CCNT2: variants seen among roughly 807,000 people sequenced by gnomAD.
CCNT2 encodes the protein cyclin-T2.
In CCNT2, 18 loss-of-function variants were observed where a neutral mutation model predicts 70.0. That is an observed-to-expected ratio of 0.26 (90% CI 0.18 to 0.38). The LOEUF is 0.38. Among genes scored for constraint, CCNT2 ranks in the 10% least tolerant of loss-of-function variants. The pLI, the probability that CCNT2 is intolerant of heterozygous loss-of-function variation, is 1.00. For synonymous variants in CCNT2, 334 were observed against 313.3 expected, an observed-to-expected ratio of 1.07 and a Z score of -0.70; for missense variants, 734 against 890.2, an observed-to-expected ratio of 0.82 and a Z score of 2.23.
At chr2:134,945,500 T>G in intron 5 of CCNT2, 1 of 985,414 alleles carries the variant, frequency 1.0e-6, no homozygotes, top group African/African-American at 1.7e-5. Flanking sequence ...AAGTTAGTCT[T>G]TAATTAGATT....
intron 2 of CCNT2, among the ~76,000 whole-genome samples, chr2:134,921,348 T>A (rs1364493444): frequency 7.1e-6 from 1 of 141,314 alleles, no homozygotes; most frequent in Non-Finnish European, 1.5e-5. Context: ...TTCTTTTATT[T>A]ATTAATTTTT....
chr2:134,952,195 A>G (rs1294526129), intron 7 of CCNT2, among the ~76,000 whole-genome samples: 1 of 152,176 alleles, frequency 6.6e-6, no homozygotes, highest in African/African-American at 2.4e-5. Context: ...TGCACTTTAA[A>G]GTCACTATTT....
chr2:134,949,584 A>G (rs1030801268), intron 7 of CCNT2, among the ~76,000 whole-genome samples: 3 of 152,126 alleles, frequency 2.0e-5, no homozygotes, highest in African/African-American at 7.2e-5. Flanking sequence ...TATATATCTC[A>G]TGCTGTATTA....
At chr2:134,934,669 T>C (rs1427224097) in intron 2 of CCNT2, among the ~76,000 whole-genome samples, 2 of 152,212 alleles carry the variant, frequency 1.3e-5, no homozygotes, top group Non-Finnish European at 2.9e-5. Context: ...GAGAAGGAAA[T>C]GTGAATGGAA....
intron 8 of CCNT2, 22 bp downstream of exon 8, chr2:134,952,733 A>G: frequency 2.5e-6 from 4 of 1,572,814 alleles, no homozygotes; most frequent in Non-Finnish European, 3.5e-6. Context: ...GACAGGGTTT[A>G]ACAGAATTTC....
intron 7 of CCNT2, among the ~76,000 whole-genome samples, chr2:134,949,855 GC>G (rs2105081314): frequency 6.6e-6 from 1 of 152,058 alleles, no homozygotes; most frequent in African/African-American, 2.4e-5. Flanking sequence ...GAGTGCGGTG[GC>G]GCAATCTCGG....
rs761363968 is a variant in CCNT2 at position 134,954,658 on chromosome 2, T to C, written c.*10T>C. 3.9e-6 allele frequency: 6 copies of C among 1,544,352 alleles called. No homozygotes were observed. The highest frequency in any genetic ancestry group is 1.1e-5 in the South Asian group (1 of 87,144). ...AGGAATGAACATGTAATAATTTGTT[T>C]AGGTCAATTTTTCCTTTACTTTTTT... On this transcript the variant is annotated 3_prime_UTR_variant, in exon 9 of 9. Transcript: ENST00000264157.
chr2:134,952,175 A>G (rs1682559242), intron 7 of CCNT2, among the ~76,000 whole-genome samples: 1 of 152,200 alleles, frequency 6.6e-6, no homozygotes, highest in South Asian at 2.1e-4. Flanking sequence ...GGTATCCTTA[A>G]AGTGGTTTCT....
chr2:134,940,848 A>G (rs2105059117), intron 4 of CCNT2, among the ~76,000 whole-genome samples: 1 of 152,306 alleles, frequency 6.6e-6, no homozygotes, highest in Non-Finnish European at 1.5e-5. Flanking sequence ...TGATGTTACA[A>G]AAAAAAGTTG....
At position 134,943,583 on chromosome 2, in the gene CCNT2, G is replaced by C. The variant is rs980308271; in HGVS notation, c.493+909G>C. 3 of 985,170 alleles carry C rather than the reference G, an allele frequency of 3.0e-6. No individual in the cohort carries two copies. In the South Asian group the frequency reaches 1.4e-4, roughly 46 times the overall value. The allele number at this position is 985,170 out of a possible 1,614,324, so 61.0% of individuals were successfully genotyped here. Reference sequence around the variant, plus strand: ...TTGTGATGTGCCTGTTAAGCGTCTTGTTTATAAACAGGAGTACTTTTTAAA... The same window carrying C: ...TTGTGATGTGCCTGTTAAGCGTCTTCTTTATAAACAGGAGTACTTTTTAAA... On this transcript the variant is annotated intron_variant, in intron 5 of 8. Transcript: ENST00000264157.
Position 134,956,498 on chromosome 2 carries a change from TAC to T in CCNT2, c.*1852_*1853del, listed in dbSNP as rs1682934209. 1 of 152,438 alleles carries T rather than the reference TAC, an allele frequency of 6.6e-6. No homozygotes were observed. Among genetic ancestry groups the T allele is most frequent in the African/African-American group, 2.4e-5 (1 of 41,444 alleles). 9.4% of individuals were successfully genotyped at this position (152,438 alleles called of 1,614,324 possible). On this transcript the variant is annotated 3_prime_UTR_variant, in exon 9 of 9. Coordinates refer to ENST00000264157, the MANE Select transcript of CCNT2 (RefSeq NM_058241.3). Reference sequence around the variant, plus strand: ...GTATCCATAAACATGGTAATTTTGATACAGTTATACTTTTACAGTGGTACATA... The same window carrying T: ...GTATCCATAAACATGGTAATTTTGATAGTTATACTTTTACAGTGGTACATA...
Position 134,953,498 on chromosome 2 carries a change from A to C in CCNT2, c.1043A>C (p.His348Pro). The change falls in exon 9 of 9, where the codon CAC becomes CCC. Residue 348 changes from histidine (H) to proline (P), a missense_variant. His to Pro is a moderately conservative substitution (Grantham distance 77). Transcript: ENST00000264157. ...AGTACTTCATACGGTTTATCATCAC[A>C]CCAGGAATGGCCTCAACATCAAGAC... ...MPSTSYGLSS[H>P]QEWPQHQDSA... The C allele has an allele frequency of 6.2e-7, 1 of 1,614,182 alleles. No homozygotes were observed. Among genetic ancestry groups the C allele is most frequent in the South Asian group, 1.1e-5 (1 of 91,082 alleles).
intron 4 of CCNT2, among the ~76,000 whole-genome samples, chr2:134,940,087 CAT>C (rs1382755111): frequency 1.3e-5 from 2 of 152,178 alleles, no homozygotes; most frequent in African/African-American, 4.8e-5. Context: ...GTATCTGAGT[CAT>C]ATCGTGAATT....
At chr2:134,950,068 A>G (rs1682349313) in intron 7 of CCNT2, among the ~76,000 whole-genome samples, 1 of 152,192 alleles carries the variant, frequency 6.6e-6, no homozygotes, top group Admixed American at 6.5e-5. Flanking sequence ...TTAGGATTAC[A>G]GGCGTGAACC....
Position 134,957,745 on chromosome 2 carries a change from T to C in CCNT2, c.*3097T>C, listed in dbSNP as rs1291588286. 1.3e-5 allele frequency: 2 copies of C among 152,204 alleles called. No homozygotes were observed. Among genetic ancestry groups the C allele is most frequent in the African/African-American group, 2.4e-5 (1 of 41,436 alleles). 9.4% of individuals were successfully genotyped at this position (152,204 alleles called of 1,614,324 possible). On this transcript the variant is annotated 3_prime_UTR_variant, in exon 9 of 9. Coordinates refer to ENST00000264157, the MANE Select transcript of CCNT2 (RefSeq NM_058241.3). Reference sequence around the variant, plus strand: ...AGGTTTATCTTTGAAAGCAGTTAAATGTGCACCTTGGTCTTCCTCCGTGTG... The same window carrying C: ...AGGTTTATCTTTGAAAGCAGTTAAACGTGCACCTTGGTCTTCCTCCGTGTG...
At chr2:134,944,927 G>A (rs1296865246) in intron 5 of CCNT2, 2 of 984,982 alleles carry the variant, frequency 2.0e-6, no homozygotes, top group Middle Eastern at 5.2e-4. Flanking sequence ...ATTCGGAGGG[G>A]GAGGGGAAAA....
In CCNT2 at chr2:134,954,733, A is replaced by T; in HGVS notation, c.*85A>T. 2 of 816,908 alleles carry T rather than the reference A, an allele frequency of 2.4e-6. No homozygotes were observed. The highest frequency in any genetic ancestry group is 2.0e-6 in the Non-Finnish European group (1 of 497,978). 50.6% of individuals were successfully genotyped at this position (816,908 alleles called of 1,614,324 possible). A position where few individuals can be genotyped will look rare whatever the true frequency, so the allele number is the denominator to read the frequency against. ...AAATTCCTTCTGATCTAGCAGTGGT[A>T]ACCCCTGCTGTTGCTGCCACTGCTT... On this transcript the variant is annotated 3_prime_UTR_variant, in exon 9 of 9. Transcript: ENST00000264157.
chr2:134,924,520 G>A (rs1014037375), intron 2 of CCNT2, among the ~76,000 whole-genome samples: 11 of 152,090 alleles, frequency 7.2e-5, no homozygotes, highest in African/African-American at 2.7e-4. Context: ...TGCAATCTCG[G>A]CTCGCTGCAA....
chr2:134,951,401 C>T (rs1488983169), intron 7 of CCNT2, among the ~76,000 whole-genome samples: 2 of 152,048 alleles, frequency 1.3e-5, no homozygotes, highest in African/African-American at 2.4e-5. Context: ...ATTATTAGTT[C>T]ATCAAAACCA....
Sources: gnomAD v4.1 joint callset for allele counts (sites outside exome capture counted in the v4.1 genomes callset) on GRCh38, gnomAD v4.1.1 for gene constraint, MANE v1.5 for transcripts, NCBI Gene and HGNC (gene_info 2026-07-23, HGNC 2026-07-21) for gene names.